Variants in ENTPD7 observed in about 807,000 individuals in gnomAD.
ENTPD7 encodes the protein ectonucleoside triphosphate diphosphohydrolase 7, also known as NTPDase 7.
Under a neutral mutation model 77.9 loss-of-function variants are expected in ENTPD7, and 53 were observed. The observed-to-expected ratio is 0.68, with a 90% CI of 0.55 to 0.85. ENTPD7 has a LOEUF of 0.85. Ranked by LOEUF, ENTPD7 falls within the 40% of genes least tolerant of loss-of-function variation. The pLI, the probability that ENTPD7 is intolerant of heterozygous loss-of-function variation, is 0.00. For missense variants in ENTPD7, 636 were observed against 743.7 expected (o/e 0.86, Z 1.68); for synonymous variants, 248 against 274.9 (o/e 0.90, Z 0.97).
chr10:99,689,697 T>C (rs1013356372), intron 7 of ENTPD7, among the ~76,000 whole-genome samples: 1 of 152,238 alleles, frequency 6.6e-6, no homozygotes, highest in Non-Finnish European at 1.5e-5. Context: ...TCAAGTATTA[T>C]CAGCCTGATC....
In ENTPD7 at chr10:99,701,002, A is replaced by C; in HGVS notation, c.1365A>C (p.Leu455=). 1 of 1,614,156 alleles carries C rather than the reference A, an allele frequency of 6.2e-7. No homozygotes were observed. Among genetic ancestry groups the C allele is most frequent in the Non-Finnish European group, 8.5e-7 (1 of 1,180,006 alleles). The change falls in exon 11 of 13, where the codon CTA becomes CTC. Residue 455 remains leucine, a synonymous_variant. Coordinates refer to ENST00000370489, the MANE Select transcript of ENTPD7 (RefSeq NM_020354.5). ...ACTGTGGCATGGCTTGGTCGGTACT[A>C]ACTCAGAGATTCAAGAATGGCCTCT... is the stretch of plus-strand genomic sequence containing the variant. ...QDYCGMAWSV[L]TQRFKNGLFS...
chr10:99,707,339 T>C lies in ENTPD7; in HGVS notation c.*2656T>C, dbSNP rs2036273146. ...TTGGTATGGGCTCCTTTGTTTATTC[T>C]CTTCTCCCAATTAATAGATTTTAAA... On this transcript the variant is annotated 3_prime_UTR_variant, in exon 13 of 13. Coordinates refer to ENST00000370489, the MANE Select transcript of ENTPD7 (RefSeq NM_020354.5). Among the ~76,000 whole-genome samples, 1 of 152,210 alleles carries C rather than the reference T, an allele frequency of 6.6e-6. No individual in the cohort carries two copies. The highest frequency in any genetic ancestry group is 2.4e-5 in the African/African-American group (1 of 41,466).
chr10:99,698,629 A>C lies in ENTPD7; in HGVS notation c.1106A>C (p.Gln369Pro). The change falls in exon 10 of 13, where the codon CAA (glutamine) becomes CCA (proline). Residue 369 changes from glutamine to proline, a missense_variant. By Grantham distance (76) the Gln-to-Pro change is moderately conservative. Coordinates refer to ENST00000370489, the MANE Select transcript of ENTPD7 (RefSeq NM_020354.5). Reference sequence around the variant, plus strand: ...ACAGATGTGGTGGAGAGGAACAGCCAAGTCTTACATGTCCGAGGAAGAGGA... The same window carrying C: ...ACAGATGTGGTGGAGAGGAACAGCCCAGTCTTACATGTCCGAGGAAGAGGA... The part of the protein sequence containing the change: ...GLTDVVERNS[Q>P]VLHVRGRGDW... The C allele has an allele frequency of 6.2e-7, 1 of 1,614,228 alleles. No homozygotes were observed. Among genetic ancestry groups the C allele is most frequent in the Non-Finnish European group, 8.5e-7 (1 of 1,180,036 alleles).
chr10:99,685,087 G>A (rs112693341), intron 5 of ENTPD7, among the ~76,000 whole-genome samples: 28,872 of 152,036 alleles, frequency 0.19, 3,074 homozygotes, highest in Middle Eastern at 0.35. Flanking sequence ...GTGCAACCCC[G>A]TCTCTACTAA....
In ENTPD7 at chr10:99,710,028, C is replaced by A; in HGVS notation, c.*5345C>A. ...CAAAGTTGAAAAGTCTTCTGAATCA[C>A]AGGCTATGTATAGCCACACATGCAT... On this transcript the variant is annotated 3_prime_UTR_variant, in exon 13 of 13. Transcript: ENST00000370489. 2.0e-6 allele frequency: 2 copies of A among 985,446 alleles called. No homozygotes were observed. Among genetic ancestry groups the A allele is most frequent in the Non-Finnish European group, 2.4e-6 (2 of 829,944 alleles). The allele number at this position is 985,446 out of a possible 1,614,324, so 61.0% of individuals were successfully genotyped here. A position where few individuals can be genotyped will look rare whatever the true frequency, so the allele number is the denominator to read the frequency against.
intron 9 of ENTPD7, 36 bp downstream of exon 9, chr10:99,696,158 A>C: frequency 6.2e-7 from 1 of 1,606,212 alleles, no homozygotes; most frequent in Non-Finnish European, 8.5e-7. Flanking sequence ...TCTGAAATAT[A>C]ATGTCAGGCT....
chr10:99,683,214 C>T (rs1198578007), intron 5 of ENTPD7, among the ~76,000 whole-genome samples: 1 of 151,800 alleles, frequency 6.6e-6, no homozygotes, highest in African/African-American at 2.4e-5. Flanking sequence ...TAAGTCCAAG[C>T]GAGTTGTTGG....
At chr10:99,668,487 A>T (rs1037497915) in intron 3 of ENTPD7, among the ~76,000 whole-genome samples, 1 of 152,194 alleles carries the variant, frequency 6.6e-6, no homozygotes, top group African/African-American at 2.4e-5. Context: ...GTTTCTTAAT[A>T]TCCTGGAATT....
intron 2 of ENTPD7, chr10:99,660,548 A>G: frequency 2.8e-6 from 1 of 352,382 alleles, no homozygotes; most frequent in Non-Finnish European, 5.7e-6. Flanking sequence ...ACACACACAC[A>G]CACACACACA....
At position 99,710,708 on chromosome 10, in the gene ENTPD7, A is replaced by G. The variant is rs755371355; in HGVS notation, c.*6025A>G. 108 of 985,346 alleles carry G rather than the reference A, an allele frequency of 1.1e-4. No individual in the cohort carries two copies. The highest frequency in any genetic ancestry group is 1.2e-4 in the Non-Finnish European group (100 of 829,938). The allele number at this position is 985,346 out of a possible 1,614,324, so 61.0% of individuals were successfully genotyped here. ...ATAACCCACCATTCATCCCAGGACC[A>G]CAAGGGTAGCTGTAGATAAACTGGT... On this transcript the variant is annotated 3_prime_UTR_variant, in exon 13 of 13. Coordinates refer to ENST00000370489, the MANE Select transcript of ENTPD7 (RefSeq NM_020354.5).
intron 3 of ENTPD7, among the ~76,000 whole-genome samples, chr10:99,673,028 A>G (rs1223273400): frequency 1.3e-5 from 2 of 152,194 alleles, no homozygotes; most frequent in Admixed American, 1.3e-4. Context: ...CCTGGGTGAT[A>G]TATTTGTGGG....
chr10:99,689,434 T>C (rs1319411799), intron 7 of ENTPD7, among the ~76,000 whole-genome samples: 2 of 152,214 alleles, frequency 1.3e-5, no homozygotes, highest in Non-Finnish European at 2.9e-5. Flanking sequence ...GTAGAAAGAA[T>C]TTGCCACATG....
chr10:99,666,809 T>C (rs1316809533), intron 3 of ENTPD7, among the ~76,000 whole-genome samples: 3 of 152,220 alleles, frequency 2.0e-5, no homozygotes, highest in Non-Finnish European at 2.9e-5. Flanking sequence ...ATGTAATTTA[T>C]TGAATACTGT....
Position 99,708,461 on chromosome 10 carries a change from C to A in ENTPD7, c.*3778C>A, listed in dbSNP as rs1053648432. Among the ~76,000 whole-genome samples the A allele has an allele frequency of 6.6e-6, 1 of 152,156 alleles. No individual in the cohort carries two copies. Among genetic ancestry groups the A allele is most frequent in the African/African-American group, 2.4e-5 (1 of 41,438 alleles). Reference sequence around the variant, plus strand: ...ACCTGGATTCTAGTTCTGGCTTTGTCATTTACTAGCTCTGGTACCCCAGGC... The same window carrying A: ...ACCTGGATTCTAGTTCTGGCTTTGTAATTTACTAGCTCTGGTACCCCAGGC... On this transcript the variant is annotated 3_prime_UTR_variant, in exon 13 of 13. Coordinates refer to ENST00000370489, the MANE Select transcript of ENTPD7 (RefSeq NM_020354.5).
At chr10:99,680,833 T>C (rs1390995029) in intron 5 of ENTPD7, among the ~76,000 whole-genome samples, 3 of 152,262 alleles carry the variant, frequency 2.0e-5, no homozygotes, top group East Asian at 1.9e-4. Flanking sequence ...TGCCTCAGCC[T>C]CCCAGAGCGC....
In ENTPD7 at chr10:99,710,898, A is replaced by G. The variant is rs2036360723; in HGVS notation, c.*6215A>G. On this transcript the variant is annotated 3_prime_UTR_variant, in exon 13 of 13. Transcript: ENST00000370489. ...AAAGCCATGTGTTTTAATTTCCTTC[A>G]TGTTTTAAAAACAATGGACGTAAGT... 1.0e-6 allele frequency: 1 copy of G among 985,246 alleles called. No individual in the cohort carries two copies. The highest frequency in any genetic ancestry group is 6.2e-5 in the Admixed American group (1 of 16,254). The allele number at this position is 985,246 out of a possible 1,614,324, so 61.0% of individuals were successfully genotyped here. A position where few individuals can be genotyped will look rare whatever the true frequency, so the allele number is the denominator to read the frequency against.
At chr10:99,684,208 T>C (rs1022707489) in intron 5 of ENTPD7, among the ~76,000 whole-genome samples, 11 of 152,110 alleles carry the variant, frequency 7.2e-5, no homozygotes, top group African/African-American at 2.7e-4. Flanking sequence ...TCTGTCACCA[T>C]GCCTGGCTAA....
intron 2 of ENTPD7, chr10:99,660,401 T>G: frequency 1.7e-6 from 2 of 1,153,710 alleles, no homozygotes; most frequent in Non-Finnish European, 2.2e-6. Context: ...ACCTGAAGCT[T>G]TTAAAAAATA....
chr10:99,697,157 T>C (rs2036000185), intron 9 of ENTPD7, among the ~76,000 whole-genome samples: 1 of 152,214 alleles, frequency 6.6e-6, no homozygotes, highest in Admixed American at 6.5e-5. Flanking sequence ...TTGTAAGTCT[T>C]AGTCTCTAGG....
Sources: gnomAD v4.1 joint callset for allele counts (sites outside exome capture counted in the v4.1 genomes callset) on GRCh38, gnomAD v4.1.1 for gene constraint, MANE v1.5 for transcripts, NCBI Gene and HGNC (gene_info 2026-07-23, HGNC 2026-07-21) for gene names.